Variants in PLPPR3 observed in about 807,000 individuals in gnomAD.
PLPPR3 encodes the protein phospholipid phosphatase-related protein type 3.
A neutral mutation model predicts 27.3 loss-of-function variants in PLPPR3; 14 were observed. The observed-to-expected ratio is 0.51, with a 90% confidence interval of 0.34 to 0.80. The LOEUF is 0.80. PLPPR3 is among the 30% of genes least tolerant of loss of function. The probability of loss-of-function intolerance (pLI) is 0.01; values close to 1 mark genes in which losing one functional copy is unlikely to be tolerated. For synonymous variants in PLPPR3, 671 were observed against 508.0 expected, an observed-to-expected ratio of 1.32 and a Z score of -4.32; for missense variants, 1,287 against 1,056.9, an observed-to-expected ratio of 1.22 and a Z score of -3.02.
chr19:815,187 C>T lies in PLPPR3; in HGVS notation c.402G>A (p.Val134=), dbSNP rs1212635023. Residue 134 remains valine (V), a splice_region_variant and synonymous_variant, in exon 4 of 8, where the codon GTG becomes GTA. Transcript: ENST00000520876. ...NSFLRRTVRF[V]GVHVFGLCAT... Reference sequence around the variant, plus strand: ...GTCGGGGCGCGTCCCGCAACTCACCCACAAACCGCACCGTACGCCGCAGGA... The same window carrying T: ...GTCGGGGCGCGTCCCGCAACTCACCTACAAACCGCACCGTACGCCGCAGGA... 6.2e-7 allele frequency: 1 copy of T among 1,603,786 alleles called. No individual in the cohort carries two copies.
At chr19:823,450 A>AAAAAAAAAC (rs1555703878), upstream of PLPPR3, among the ~76,000 whole-genome samples, 3 of 143,838 alleles carry the variant, frequency 2.1e-5, no homozygotes, top group Non-Finnish European at 3.0e-5. Context: ...TCAAAAAAAA[A>AAAAAAAAAC]AAAAAAAACA....
intron 2 of PLPPR3, among the ~76,000 whole-genome samples, chr19:820,222 C>T (rs1219815062): frequency 2.6e-5 from 4 of 152,070 alleles, no homozygotes; most frequent in Non-Finnish European, 4.4e-5. Flanking sequence ...GAGTCTCTGT[C>T]ATCCAGGCTG....
chr19:812,826 G>A lies in PLPPR3; in HGVS notation c.1901C>T (p.Pro634Leu), dbSNP rs904458645. Reference sequence around the variant, plus strand: ...CGACGAGCCGGGGGACACGCCCGGGGGCTTGGCCCCGCCGCGGAAGCCGCG... The same window carrying A: ...CGACGAGCCGGGGGACACGCCCGGGAGCTTGGCCCCGCCGCGGAAGCCGCG... Reference protein sequence around the residue: ...LARGFRGGAKPPGVSPGSSVS... With the variant: ...LARGFRGGAKLPGVSPGSSVS... Residue 634 changes from proline (P) to leucine (L), a missense_variant, in exon 8 of 8, where the codon CCC (proline) becomes CTC (leucine). Coordinates refer to ENST00000520876, the MANE Select transcript of PLPPR3 (RefSeq NM_001270366.2). 9.0e-7 allele frequency: 1 copy of A among 1,113,854 alleles called. No individual in the cohort carries two copies. Among genetic ancestry groups the A allele is most frequent in the Non-Finnish European group, 1.1e-6 (1 of 911,194 alleles). 69.0% of individuals were successfully genotyped at this position (1,113,854 alleles called of 1,614,324 possible).
rs555499748 is a variant in PLPPR3 at position 815,467 on chromosome 19, C to T, written c.262-140G>A. 465 of 1,042,418 alleles carry T rather than the reference C, an allele frequency of 4.5e-4. 24 individuals are homozygous for T. In the African/African-American group the frequency reaches 0.01, roughly 23 times the overall value. The allele number at this position is 1,042,418 out of a possible 1,614,324, so 64.6% of individuals were successfully genotyped here. ...GAGGTGGCGGGGGTGGGCTCCCAGCCGTGGTGCCCACAGGCTGGCACAGGC... is the reference window on the plus strand; with the variant it reads ...GAGGTGGCGGGGGTGGGCTCCCAGCTGTGGTGCCCACAGGCTGGCACAGGC... On this transcript the variant is annotated intron_variant, in intron 3 of 7. Coordinates refer to ENST00000520876, the MANE Select transcript of PLPPR3 (RefSeq NM_001270366.2).
In PLPPR3 at chr19:814,591, A is replaced by C; in HGVS notation, c.674T>G (p.Val225Gly). 1 of 1,612,130 alleles carries C rather than the reference A, an allele frequency of 6.2e-7. No homozygotes were observed. The highest frequency in any genetic ancestry group is 8.5e-7 in the Non-Finnish European group (1 of 1,179,964). Reference protein sequence around the residue: ...AVYVSMYFNSVISDTTKLLKP... With the variant: ...AVYVSMYFNSGISDTTKLLKP... Reference sequence around the variant, plus strand: ...CAGCAGCTTGGTGGTGTCCGAGATGACCGAGTTGAAGTACATCTGGGGCAT... The same window carrying C: ...CAGCAGCTTGGTGGTGTCCGAGATGCCCGAGTTGAAGTACATCTGGGGCAT... Residue 225 changes from valine (V) to glycine (G), a missense_variant, in exon 7 of 8, where the codon GTC becomes GGC. Val to Gly is a moderately radical substitution (Grantham distance 109). Transcript: ENST00000520876.
chr19:813,144 G>A lies in PLPPR3; in HGVS notation c.1583C>T (p.Ala528Val), dbSNP rs2034967739. 2 of 1,521,694 alleles carry A rather than the reference G, an allele frequency of 1.3e-6. No homozygotes were observed. The highest frequency in any genetic ancestry group is 1.7e-6 in the Non-Finnish European group (2 of 1,145,194). 94.3% of individuals were successfully genotyped at this position (1,521,694 alleles called of 1,614,324 possible). A position where few individuals can be genotyped will look rare whatever the true frequency, so the allele number is the denominator to read the frequency against. The change falls in exon 8 of 8, where the codon GCG becomes GTG. Residue 528 changes from alanine (A) to valine (V), a missense_variant. By Grantham distance (64) the Ala-to-Val change is moderately conservative (BLOSUM62 0). Coordinates refer to ENST00000520876, the MANE Select transcript of PLPPR3 (RefSeq NM_001270366.2). This position sits in a 1 kb window ranked among gnomAD's most constrained non-coding sequence, Gnocchi z 4.1. ...CAGCCGCGGAGGGTTGGCCACTGCC[G>A]CCCCGCTCTTCTCGGCCATCATGAG... ...KWLMMAEKSG[A>V]AVANPPRLLQ... is the part of the protein sequence containing the mutation.
intron 5 of PLPPR3, 28 bp from the exon 6 acceptor site, chr19:814,777 G>A (rs1282272098): frequency 6.4e-7 from 1 of 1,558,398 alleles, no homozygotes; most frequent in Non-Finnish European, 8.6e-7. Flanking sequence ...CGTGAGCCCC[G>A]CCCACCTGGG....
chr19:819,091 C>T (rs1003279216), intron 2 of PLPPR3, among the ~76,000 whole-genome samples: 2 of 109,196 alleles, frequency 1.8e-5, no homozygotes, highest in Non-Finnish European at 3.6e-5. Context: ...ATTCTCCCAC[C>T]TCAGCCTCCG....
chr19:818,658 C>T (rs957810008), intron 2 of PLPPR3, among the ~76,000 whole-genome samples: 102 of 151,870 alleles, frequency 6.7e-4, no homozygotes, highest in Non-Finnish European at 2.4e-4. Flanking sequence ...CTCAGCCTCC[C>T]GAGTAGCTGG....
intron 7 of PLPPR3, 132 bp from the exon 8 acceptor site, chr19:814,027 C>G: frequency 1.2e-6 from 1 of 851,826 alleles, no homozygotes. Flanking sequence ...GGGACCGGTT[C>G]CCACCCCAAG....
chr19:815,128 C>T (rs1216747256), intron 4 of PLPPR3, 47 bp from the exon 5 acceptor site: 2 of 1,599,934 alleles, frequency 1.3e-6, no homozygotes, highest in African/African-American at 2.7e-5. Flanking sequence ...GGACCCGGGA[C>T]AGCCCCACCC....
chr19:813,904 GA>G lies in PLPPR3; in HGVS notation c.832-10del, dbSNP rs2035000637. 9.8e-6 allele frequency: 14 copies of G among 1,429,170 alleles called. No homozygotes were observed. The highest frequency in any genetic ancestry group is 1.2e-5 in the Non-Finnish European group (13 of 1,098,562). The allele number at this position is 1,429,170 out of a possible 1,614,324, so 88.5% of individuals were successfully genotyped here. A position where few individuals can be genotyped will look rare whatever the true frequency, so the allele number is the denominator to read the frequency against. On this transcript the variant is annotated splice_polypyrimidine_tract_variant and intron_variant, in intron 7 of 7. Coordinates refer to ENST00000520876, the MANE Select transcript of PLPPR3 (RefSeq NM_001270366.2). This position sits in a 1 kb window ranked among gnomAD's most constrained non-coding sequence, Gnocchi z 4.1. ...CCCACCGCGTGGCAGGCCTGTCGGG[GA>G]GAGGGGTCTGGGGGTGAGGCCTGGG...
rs908432901 is a variant in PLPPR3 at position 816,417 on chromosome 19, C to T, written c.76-566G>A. 8.3e-4 allele frequency among the ~76,000 whole-genome samples: 42 copies of T among 50,522 alleles called. No individual in the cohort carries two copies. The South Asian group carries it at 0.024, about 29-fold the overall frequency. The allele number at this position is 50,522 out of a possible 152,430, so 33.1% of individuals were successfully genotyped here. ...CCATCATCCATCCACCCATTCTCCA[C>T]CCATGCACCCACCCACCCATCTACC... On this transcript the variant is annotated intron_variant, in intron 2 of 7. Coordinates refer to ENST00000520876, the MANE Select transcript of PLPPR3 (RefSeq NM_001270366.2).
In PLPPR3 at chr19:813,351, T is replaced by C; in HGVS notation, c.1376A>G (p.Glu459Gly). Residue 459 changes from glutamate (E) to glycine (G), a missense_variant, in exon 8 of 8, where the codon GAG (glutamate) becomes GGG (glycine). By Grantham distance (98) the Glu-to-Gly change is moderately conservative. Transcript: ENST00000520876. This position sits in a 1 kb window ranked among gnomAD's most constrained non-coding sequence, Gnocchi z 4.1. The part of the protein sequence containing the change: ...EEEEEEEEEE[E>G]DEGPAPPSLY... ...CGAGGGCGGGGCCGGGCCCTCGTCC[T>C]CCTCCTCTTCCTCCTCCTCCTCTTC... 1 of 1,478,974 alleles carries C rather than the reference T, an allele frequency of 6.8e-7. No homozygotes were observed. Among genetic ancestry groups the C allele is most frequent in the Non-Finnish European group, 8.9e-7 (1 of 1,122,910 alleles). 91.6% of individuals were successfully genotyped at this position (1,478,974 alleles called of 1,614,324 possible).
rs748685346 is a variant in PLPPR3 at position 813,653 on chromosome 19, C to G, written c.1074G>C (p.Leu358=). 3 of 1,537,214 alleles carry G rather than the reference C, an allele frequency of 2.0e-6. No homozygotes were observed. The highest frequency in any genetic ancestry group is 1.2e-5 in the South Asian group (1 of 83,922). ...TGGCCATGGGGCTGCGCGGGGCCAG[C>G]AGGTCCACGTCCACGCTGGCGCGCT... is the stretch of plus-strand genomic sequence containing the variant. The part of the protein sequence containing the change: ...SLKRASVDVD[L]LAPRSPMAKE... Residue 358 remains leucine, a synonymous_variant, in exon 8 of 8, where the codon CTG becomes CTC. Coordinates refer to ENST00000520876, the MANE Select transcript of PLPPR3 (RefSeq NM_001270366.2). This position sits in a 1 kb window ranked among gnomAD's most constrained non-coding sequence, Gnocchi z 4.1.
intron 5 of PLPPR3, 22 bp downstream of exon 5, chr19:814,864 G>A: frequency 6.2e-7 from 1 of 1,602,934 alleles, no homozygotes; most frequent in Non-Finnish European, 8.5e-7. Flanking sequence ...TCCCAGTCAG[G>A]GGAGTTGGGG....
At chr19:821,434 G>A in intron 2 of PLPPR3, 51 bp downstream of exon 2, 5 of 1,475,720 alleles carry the variant, frequency 3.4e-6, no homozygotes, top group Non-Finnish European at 4.5e-6. Context: ...GTCTCTGCGG[G>A]CGGGCGGAAC....
chr19:813,047 G>T lies in PLPPR3; in HGVS notation c.1680C>A (p.Ser560=). The T allele has an allele frequency of 6.6e-7, 1 of 1,509,038 alleles. No homozygotes were observed. Among genetic ancestry groups the T allele is most frequent in the South Asian group, 1.2e-5 (1 of 81,794 alleles). The allele number at this position is 1,509,038 out of a possible 1,614,324, so 93.5% of individuals were successfully genotyped here. A position where few individuals can be genotyped will look rare whatever the true frequency, so the allele number is the denominator to read the frequency against. The change falls in exon 8 of 8, where the codon TCC becomes TCA. Residue 560 remains serine, a synonymous_variant. Transcript: ENST00000520876. The surrounding 1 kb of genome is among the most constrained non-coding windows in gnomAD (Gnocchi z 4.1). ...GPKAAETASS[S]SASSDSSQYR... ...ACTGCGAGGAGTCGGAGCTGGCGCT[G>T]GACGACGACGCCGTCTCGGCCGCCT...
intron 2 of PLPPR3, among the ~76,000 whole-genome samples, chr19:817,833 G>T (rs993970361): frequency 6.6e-6 from 1 of 152,150 alleles, no homozygotes; most frequent in Non-Finnish European, 1.5e-5. Context: ...CCTGACACCC[G>T]GTTTGAAAAC....
Sources: allele counts gnomAD v4.1 joint callset (sites outside exome capture counted in the v4.1 genomes callset), GRCh38; gene constraint gnomAD v4.1.1; non-coding constraint Gnocchi (gnomAD v3.1); transcripts MANE v1.5; gene names NCBI Gene and HGNC (gene_info 2026-07-23, HGNC 2026-07-21).